TCF20: variants seen among roughly 807,000 people sequenced by gnomAD.
The protein encoded by TCF20 is transcription factor 20.
Under a neutral mutation model 148.6 loss-of-function variants are expected in TCF20, and 3 were observed. The ratio of observed to expected loss-of-function variants is 0.02; its 90% CI spans 0.01 to 0.05. The LOEUF is 0.05. Ranked by LOEUF, TCF20 falls within the 10% of genes least tolerant of loss-of-function variation. The pLI is 1.00. For synonymous variants in TCF20, 1,049 were observed against 909.5 expected (o/e 1.15, Z -2.76); for missense variants, 2,350 against 2,429.3 (o/e 0.97, Z 0.69).
chr22:42,340,050 T>G (rs958269324), intron 1 of TCF20, among the ~76,000 whole-genome samples: 2 of 152,148 alleles, frequency 1.3e-5, no homozygotes, highest in Non-Finnish European at 2.9e-5. Context: ...AGTGACTAGC[T>G]GGGCTCCTGC....
intron 1 of TCF20, among the ~76,000 whole-genome samples, chr22:42,289,418 A>G (rs943204527): frequency 6.6e-6 from 1 of 152,204 alleles, no homozygotes; most frequent in Non-Finnish European, 1.5e-5. Context: ...ATTATTAACA[A>G]TAATCTTTAA....
Position 42,210,912 on chromosome 22 carries a change from G to T in TCF20, c.4394C>A (p.Thr1465Lys). 6.2e-7 allele frequency: 1 copy of T among 1,614,182 alleles called. No individual in the cohort carries two copies. The highest frequency in any genetic ancestry group is 1.3e-5 in the African/African-American group (1 of 75,032). ...TAGKEPPGAM[T>K]STTSQKPGSN... is the part of the protein sequence containing the mutation. ...ACCAGGCTTCTGTGAGGTTGTGGAT[G>T]TCATGGCACCAGGGGGTTCCTTTCC... The change falls in exon 2 of 6, where the codon ACA (threonine) becomes AAA (lysine). Residue 1465 changes from threonine to lysine, a missense_variant. Thr to Lys is a moderately conservative substitution (Grantham distance 78). Coordinates refer to ENST00000677622, the MANE Select transcript of TCF20 (RefSeq NM_001378418.1). This position sits in a 1 kb window ranked among gnomAD's most constrained non-coding sequence, Gnocchi z 4.7.
intron 2 of TCF20, among the ~76,000 whole-genome samples, chr22:42,204,524 T>C (rs1000909060): frequency 6.6e-6 from 1 of 150,550 alleles, no homozygotes; most frequent in Non-Finnish European, 1.5e-5. Context: ...ACCCTAAATA[T>C]AATCTTTAAT....
At chr22:42,228,001 A>G (rs947904630) in intron 1 of TCF20, among the ~76,000 whole-genome samples, 1 of 152,224 alleles carries the variant, frequency 6.6e-6, no homozygotes, top group African/African-American at 2.4e-5. Flanking sequence ...ACTGTTTGTG[A>G]AGTACCAGTG....
chr22:42,174,310 G>A (rs1226208726), intron 3 of TCF20, among the ~76,000 whole-genome samples: 1 of 152,228 alleles, frequency 6.6e-6, no homozygotes, highest in Non-Finnish European at 1.5e-5. Context: ...CTGAGCTAGA[G>A]CGTTTCCATC....
intron 1 of TCF20, among the ~76,000 whole-genome samples, chr22:42,220,953 C>T (rs536001299): frequency 1.3e-4 from 20 of 152,330 alleles, no homozygotes; most frequent in African/African-American, 4.3e-4. Context: ...CTTCACTTTC[C>T]TGTTGGCTTC....
intron 1 of TCF20, among the ~76,000 whole-genome samples, chr22:42,242,076 C>T (rs1280553195): frequency 2.0e-5 from 3 of 151,276 alleles, no homozygotes; most frequent in Non-Finnish European, 2.9e-5. Context: ...GTAATAAGTG[C>T]CTGTAAGTCC....
chr22:42,257,433 G>A (rs1004250220), intron 1 of TCF20, among the ~76,000 whole-genome samples: 4 of 152,106 alleles, frequency 2.6e-5, no homozygotes, highest in Admixed American at 1.3e-4. Flanking sequence ...AATAAGACAT[G>A]GTGATCACCT....
At chr22:42,171,742 T>G (rs965190038) in intron 3 of TCF20, among the ~76,000 whole-genome samples, 4 of 152,212 alleles carry the variant, frequency 2.6e-5, no homozygotes, top group African/African-American at 9.6e-5. Context: ...ATATGCTCTC[T>G]TCTTACCTGG....
intron 1 of TCF20, among the ~76,000 whole-genome samples, chr22:42,216,810 T>C (rs192827480): frequency 6.6e-6 from 1 of 152,334 alleles, no homozygotes; most frequent in African/African-American, 2.4e-5. Flanking sequence ...AGCCACCACT[T>C]TGTATTACCT....
At chr22:42,244,648 G>GTAAC (rs1215363023) in intron 1 of TCF20, among the ~76,000 whole-genome samples, 1 of 152,182 alleles carries the variant, frequency 6.6e-6, no homozygotes, top group Non-Finnish European at 1.5e-5. Context: ...GGCAAGGGGA[G>GTAAC]TAACTGCTTA....
intron 1 of TCF20, among the ~76,000 whole-genome samples, chr22:42,303,158 G>GA (rs1927369019): frequency 6.6e-6 from 1 of 152,260 alleles, no homozygotes; most frequent in South Asian, 2.1e-4. Context: ...TCAAACTCCT[G>GA]ACCTCATGTG....
intron 1 of TCF20, among the ~76,000 whole-genome samples, chr22:42,246,667 C>T (rs948271274): frequency 6.6e-6 from 1 of 152,162 alleles, no homozygotes; most frequent in African/African-American, 2.4e-5. Context: ...GGCAAGAACA[C>T]ATTTAGAAAG....
chr22:42,311,875 T>G (rs1263214688), intron 1 of TCF20, among the ~76,000 whole-genome samples: 1 of 152,168 alleles, frequency 6.6e-6, no homozygotes, highest in Non-Finnish European at 1.5e-5. Flanking sequence ...CCTAGGCACA[T>G]AGGTTACCCA....
At chr22:42,223,562 T>C (rs1922574909) in intron 1 of TCF20, among the ~76,000 whole-genome samples, 1 of 151,868 alleles carries the variant, frequency 6.6e-6, no homozygotes, top group Admixed American at 6.5e-5. Context: ...AGTAATCCTT[T>C]TTGTAAATGG....
At chr22:42,255,523 A>C (rs1010909507) in intron 1 of TCF20, among the ~76,000 whole-genome samples, 166 of 147,856 alleles carry the variant, frequency 1.1e-3, no homozygotes, top group Non-Finnish European at 1.9e-3. Flanking sequence ...AACAACAACA[A>C]CAACAAAACC....
intron 1 of TCF20, among the ~76,000 whole-genome samples, chr22:42,221,739 G>T (rs867944028): frequency 4.3e-5 from 4 of 92,808 alleles, no homozygotes; most frequent in Non-Finnish European, 5.8e-5. Flanking sequence ...ATGGCAAAGG[G>T]TTTTTTTTTT....
chr22:42,215,595 C>G (rs570105984), intron 1 of TCF20, among the ~76,000 whole-genome samples: 1 of 152,016 alleles, frequency 6.6e-6, no homozygotes, highest in African/African-American at 2.4e-5. Flanking sequence ...CTCAGCCTCC[C>G]GAGTAGCTGG....
chr22:42,268,942 T>TA (rs912963668), intron 1 of TCF20, among the ~76,000 whole-genome samples: 19 of 152,318 alleles, frequency 1.2e-4, no homozygotes, highest in African/African-American at 4.6e-4. Flanking sequence ...TGCCTATGGC[T>TA]AAAACAGAGC....
Sources: allele counts gnomAD v4.1 joint callset (sites outside exome capture counted in the v4.1 genomes callset), GRCh38; gene constraint gnomAD v4.1.1; non-coding constraint Gnocchi (gnomAD v3.1); transcripts MANE v1.5; gene names NCBI Gene and HGNC (gene_info 2026-07-23, HGNC 2026-07-21).